The following PTPRD variants were observed in gnomAD, a reference collection of about 807,000 sequenced individuals.
PTPRD encodes protein tyrosine phosphatase receptor type D.
PTPRD carries 34 observed loss-of-function variants against 214.5 expected under a neutral mutation model. The ratio of observed to expected loss-of-function variants is 0.16; its 90% CI spans 0.12 to 0.21. The LOEUF (loss-of-function observed/expected upper bound fraction) is 0.21. Ranked by LOEUF, PTPRD falls within the 10% of genes least tolerant of loss-of-function variation. The pLI is 1.00. For missense variants in PTPRD, 2,545 were observed against 2,398.7 expected (o/e 1.06, Z -1.27); for synonymous variants, 1,128 against 845.7 (o/e 1.33, Z -5.79).
chr9:10,122,053 A>G (rs2098779945), intron 3 of PTPRD, among the ~76,000 whole-genome samples: 1 of 152,298 alleles, frequency 6.6e-6, no homozygotes, highest in Non-Finnish European at 1.5e-5. Flanking sequence ...CACGCCTGTA[A>G]TCCCAGCATT....
intron 36 of PTPRD, among the ~76,000 whole-genome samples, chr9:8,392,251 A>G (rs7040624): frequency 0.12 from 17,926 of 152,046 alleles, 1,183 homozygotes; most frequent in African/African-American, 0.17. Context: ...TTAGGCTGGC[A>G]TGGTGGCTCA....
intron 5 of PTPRD, among the ~76,000 whole-genome samples, chr9:9,881,481 C>T (rs1329398585): frequency 5.9e-5 from 9 of 152,140 alleles, no homozygotes; most frequent in Non-Finnish European, 1.2e-4. Flanking sequence ...ATTATTTCTC[C>T]TCCACCGCAT....
chr9:9,861,023 T>A (rs2062635341), intron 5 of PTPRD, among the ~76,000 whole-genome samples: 1 of 152,230 alleles, frequency 6.6e-6, no homozygotes, highest in African/African-American at 2.4e-5. Flanking sequence ...TGGAAGCTTT[T>A]TGAATTAGGC....
At chr9:10,407,973 C>T (rs1035328739) in intron 2 of PTPRD, among the ~76,000 whole-genome samples, 1 of 151,452 alleles carries the variant, frequency 6.6e-6, no homozygotes, top group African/African-American at 2.4e-5. Flanking sequence ...CTTATTTTAT[C>T]TAATATGTTA....
At chr9:9,706,442 CTCTT>C in intron 7 of PTPRD, among the ~76,000 whole-genome samples, 1 of 151,580 alleles carries the variant, frequency 6.6e-6, no homozygotes, top group East Asian at 1.9e-4. Flanking sequence ...CTTTTGCTAA[CTCTT>C]TTTTTTTTTT....
At chr9:8,785,843 G>C (rs2095928078) in intron 11 of PTPRD, among the ~76,000 whole-genome samples, 1 of 152,096 alleles carries the variant, frequency 6.6e-6, no homozygotes, top group East Asian at 1.9e-4. Context: ...AAAAGCATAA[G>C]GAACACAAAA....
At chr9:9,293,403 A>G (rs1555186485) in intron 9 of PTPRD, among the ~76,000 whole-genome samples, 2 of 121,708 alleles carry the variant, frequency 1.6e-5, no homozygotes, top group South Asian at 2.6e-4. Context: ...TTTTTTTTGC[A>G]TTTTGTTTCT....
chr9:8,551,338 T>C (rs986382773), intron 14 of PTPRD, among the ~76,000 whole-genome samples: 1 of 152,230 alleles, frequency 6.6e-6, no homozygotes, highest in Non-Finnish European at 1.5e-5. Flanking sequence ...ATGAAAGTTT[T>C]CATAATTTAA....
At chr9:10,455,650 A>G (rs1402429408) in intron 2 of PTPRD, among the ~76,000 whole-genome samples, 1 of 151,706 alleles carries the variant, frequency 6.6e-6, no homozygotes, top group African/African-American at 2.4e-5. Flanking sequence ...TATAATTTGG[A>G]TAGAAACTTT....
At chr9:9,529,018 A>C (rs1162961060) in intron 8 of PTPRD, among the ~76,000 whole-genome samples, 1 of 149,628 alleles carries the variant, frequency 6.7e-6, no homozygotes, top group Admixed American at 6.7e-5. Flanking sequence ...GGTTCACTGC[A>C]ACCTCTGCCT....
intron 5 of PTPRD, among the ~76,000 whole-genome samples, chr9:9,786,910 C>T (rs1393385824): frequency 6.6e-6 from 1 of 151,882 alleles, no homozygotes; most frequent in Admixed American, 6.6e-5. Flanking sequence ...TTTGGGAGGC[C>T]GAGGCAGGTG....
chr9:8,659,733 A>C (rs1289171915), intron 12 of PTPRD, among the ~76,000 whole-genome samples: 1 of 152,214 alleles, frequency 6.6e-6, no homozygotes, highest in East Asian at 1.9e-4. Context: ...ATCATTTTAC[A>C]GGGATCTGTT....
At chr9:9,587,531 G>A (rs867386317) in intron 7 of PTPRD, among the ~76,000 whole-genome samples, 9 of 149,072 alleles carry the variant, frequency 6.0e-5, no homozygotes, top group Admixed American at 4.7e-4. Context: ...GATTCCCAAT[G>A]GCAGCCCAAA....
chr9:8,973,043 AT>A (rs753436349), intron 11 of PTPRD, among the ~76,000 whole-genome samples: 10 of 151,862 alleles, frequency 6.6e-5, no homozygotes, highest in Non-Finnish European at 1.0e-4. Flanking sequence ...GCTGAAAGAT[AT>A]TATTGAGAAG....
intron 8 of PTPRD, among the ~76,000 whole-genome samples, chr9:9,436,583 T>C (rs998926984): frequency 2.0e-5 from 3 of 151,770 alleles, no homozygotes; most frequent in Non-Finnish European, 4.4e-5. Context: ...ATACATTTTA[T>C]ACTTAATGAA....
chr9:9,954,351 T>C (rs2093725157), intron 4 of PTPRD, among the ~76,000 whole-genome samples: 1 of 140,088 alleles, frequency 7.1e-6, no homozygotes, highest in South Asian at 2.5e-4. Flanking sequence ...ACAGTATTAC[T>C]AATAAACTCA....
At chr9:8,609,935 T>C (rs2095382254) in intron 14 of PTPRD, among the ~76,000 whole-genome samples, 1 of 152,138 alleles carries the variant, frequency 6.6e-6, no homozygotes, top group Non-Finnish European at 1.5e-5. Context: ...AAGACAAGAT[T>C]AGATTCATAT....
intron 3 of PTPRD, among the ~76,000 whole-genome samples, chr9:10,198,858 T>C (rs1024348443): frequency 2.0e-5 from 3 of 152,076 alleles, no homozygotes; most frequent in African/African-American, 7.2e-5. Context: ...TTATATTTAA[T>C]TGCTCATTGT....
intron 8 of PTPRD, among the ~76,000 whole-genome samples, chr9:9,452,331 A>G (rs1291419936): frequency 6.6e-6 from 1 of 151,516 alleles, no homozygotes; most frequent in East Asian, 1.9e-4. Flanking sequence ...TAAAACTGAG[A>G]ACAAAGTAGT....
Sources: gnomAD v4.1 joint callset for allele counts (sites outside exome capture counted in the v4.1 genomes callset) on GRCh38, gnomAD v4.1.1 for gene constraint, MANE v1.5 for transcripts, NCBI Gene and HGNC (gene_info 2026-07-23, HGNC 2026-07-21) for gene names.